RSBN1L: variants seen among roughly 807,000 people sequenced by gnomAD.
The protein encoded by RSBN1L is lysine-specific demethylase RSBN1L.
A neutral mutation model predicts 67.7 loss-of-function variants in RSBN1L; 30 were observed. The ratio of observed to expected loss-of-function variants is 0.44; its 90% CI spans 0.33 to 0.60. The LOEUF (loss-of-function observed/expected upper bound fraction) is 0.60. Ranked by LOEUF, RSBN1L falls within the 20% of genes least tolerant of loss-of-function variation. The pLI is 0.02. For missense variants in RSBN1L, 992 were observed against 1,031.7 expected, an observed-to-expected ratio of 0.96 and a Z score of 0.53; for synonymous variants, 433 against 387.0, an observed-to-expected ratio of 1.12 and a Z score of -1.39.
In RSBN1L at chr7:77,754,066, C is replaced by A. The variant is rs1162188233; in HGVS notation, c.1344+4002C>A. Among the ~76,000 whole-genome samples the A allele has an allele frequency of 2.0e-5, 3 of 152,130 alleles. No individual in the cohort carries two copies. In the East Asian group the frequency reaches 5.8e-4, roughly 29 times the overall value. On this transcript the variant is annotated intron_variant, in intron 3 of 7. Coordinates refer to ENST00000334955, the MANE Select transcript of RSBN1L (RefSeq NM_198467.3). ...ATTGATTGATTGATAGATACAGGGT[C>A]TTGTTCTATCAGCCAGGCTAGAGTG...
intron 1 of RSBN1L, among the ~76,000 whole-genome samples, chr7:77,707,019 T>A (rs1790901274): frequency 6.6e-6 from 1 of 150,460 alleles, no homozygotes; most frequent in Non-Finnish European, 1.5e-5. Context: ...CCCATTAAAC[T>A]AGATTTTTTT....
At chr7:77,743,059 A>ATT (rs35673255) in intron 2 of RSBN1L, among the ~76,000 whole-genome samples, 15 of 150,028 alleles carry the variant, frequency 1.0e-4, no homozygotes, top group Non-Finnish European at 1.5e-4. Context: ...TTCCATGGGA[A>ATT]TTTTTTTTTT....
intron 1 of RSBN1L, among the ~76,000 whole-genome samples, chr7:77,703,450 G>A (rs1357666160): frequency 7.6e-6 from 1 of 131,216 alleles, no homozygotes; most frequent in African/African-American, 2.9e-5. Flanking sequence ...TGGAGTGTGT[G>A]TGTGTCTCTT....
chr7:77,707,645 TAA>T (rs1790913183), intron 1 of RSBN1L, among the ~76,000 whole-genome samples: 1 of 152,152 alleles, frequency 6.6e-6, no homozygotes, highest in African/African-American at 2.4e-5. Context: ...CTTAAAGGAG[TAA>T]ATGTTCACTA....
Position 77,778,655 on chromosome 7 carries a change from G to A in RSBN1L, c.2028G>A (p.Lys676=). ...FIPRNVVHQF[K]TVSAVCSLAW... The stretch of plus-strand genomic sequence containing the variant: ...CAAGGAATGTTGTTCATCAGTTCAA[G>A]ACAGTTTCAGCTGTATGCAGTTTAG... Residue 676 remains lysine, a synonymous_variant, in exon 8 of 8, where the codon AAG becomes AAA. Coordinates refer to ENST00000334955, the MANE Select transcript of RSBN1L (RefSeq NM_198467.3). 6.2e-7 allele frequency: 1 copy of A among 1,614,066 alleles called. No individual in the cohort carries two copies. Among genetic ancestry groups the A allele is most frequent in the Non-Finnish European group, 8.5e-7 (1 of 1,179,996 alleles).
Position 77,770,135 on chromosome 7 carries a change from G to A in RSBN1L, c.1625+1332G>A, listed in dbSNP as rs553163382. Among the ~76,000 whole-genome samples the A allele has an allele frequency of 2.0e-5, 3 of 152,312 alleles. No homozygotes were observed. In the South Asian group the frequency reaches 6.2e-4, roughly 32 times the overall value. On this transcript the variant is annotated intron_variant, in intron 5 of 7. Transcript: ENST00000334955. Reference sequence around the variant, plus strand: ...CGCCTGTAATCCCAGCACTTTGGGAGGCTGAGGCGGGTGGATTACCTGAAG... The same window carrying A: ...CGCCTGTAATCCCAGCACTTTGGGAAGCTGAGGCGGGTGGATTACCTGAAG...
rs1004479254 is a variant in RSBN1L at position 77,781,639 on chromosome 7, A to G, written c.*2471A>G. On this transcript the variant is annotated 3_prime_UTR_variant, in exon 8 of 8. Transcript: ENST00000334955. ...TGGTTGCTTTTAGGTATAGTTTCCT[A>G]TATAACCTATAGTCAGACTTATCTA... is the stretch of plus-strand genomic sequence containing the variant. The G allele has an allele frequency of 2.6e-5, 4 of 152,220 alleles. No individual in the cohort carries two copies. In the East Asian group the frequency reaches 5.8e-4, roughly 22 times the overall value. 9.4% of individuals were successfully genotyped at this position (152,220 alleles called of 1,614,324 possible).
intron 2 of RSBN1L, among the ~76,000 whole-genome samples, chr7:77,742,161 C>CT (rs1229528335): frequency 2.9e-5 from 2 of 69,226 alleles, no homozygotes; most frequent in Non-Finnish European, 4.9e-5. Flanking sequence ...AAGAACCCAT[C>CT]TTTAAAAAAA....
chr7:77,744,388 C>A (rs1791454577), intron 2 of RSBN1L, among the ~76,000 whole-genome samples: 1 of 151,644 alleles, frequency 6.6e-6, no homozygotes, highest in African/African-American at 2.4e-5. Context: ...TACTAATTAA[C>A]CTAAATATGA....
intron 3 of RSBN1L, among the ~76,000 whole-genome samples, chr7:77,757,697 T>C (rs1791637423): frequency 6.6e-6 from 1 of 152,258 alleles, no homozygotes; most frequent in Non-Finnish European, 1.5e-5. Context: ...CAGTTGGGTC[T>C]TGGGACACCT....
At chr7:77,701,192 A>AAC in intron 1 of RSBN1L, among the ~76,000 whole-genome samples, 1 of 150,468 alleles carries the variant, frequency 6.6e-6, no homozygotes. Flanking sequence ...ACAACAACAA[A>AAC]AAAAAACGAC....
chr7:77,745,180 G>A (rs923546682), intron 2 of RSBN1L, among the ~76,000 whole-genome samples: 4 of 151,888 alleles, frequency 2.6e-5, no homozygotes, highest in African/African-American at 9.7e-5. Flanking sequence ...AGAATCACTT[G>A]AACCCGGGAG....
intron 1 of RSBN1L, among the ~76,000 whole-genome samples, chr7:77,725,507 A>G (rs1403183026): frequency 6.6e-6 from 1 of 151,578 alleles, no homozygotes; most frequent in South Asian, 2.1e-4. Flanking sequence ...TCGGCCTCCC[A>G]TAGTGCTGGG....
At chr7:77,771,846 G>C (rs1791854222) in intron 5 of RSBN1L, among the ~76,000 whole-genome samples, 1 of 151,150 alleles carries the variant, frequency 6.6e-6, no homozygotes, top group Non-Finnish European at 1.5e-5. Flanking sequence ...CTTTTTTTTA[G>C]AATGTATGGA....
intron 5 of RSBN1L, among the ~76,000 whole-genome samples, chr7:77,770,547 G>A (rs986403722): frequency 9.2e-5 from 14 of 151,988 alleles, no homozygotes; most frequent in Non-Finnish European, 1.9e-4. Flanking sequence ...AGCCAATGTG[G>A]TGGTACATGC....
chr7:77,730,350 T>A (rs982016445), intron 1 of RSBN1L, among the ~76,000 whole-genome samples: 1 of 152,164 alleles, frequency 6.6e-6, no homozygotes, highest in Admixed American at 6.6e-5. Flanking sequence ...ATTATTAACA[T>A]CCCCTATCAG....
chr7:77,722,862 G>C (rs1791137882), intron 1 of RSBN1L, among the ~76,000 whole-genome samples: 1 of 151,894 alleles, frequency 6.6e-6, no homozygotes, highest in Admixed American at 6.6e-5. Flanking sequence ...CTCATATTCA[G>C]GGCAGGCAAA....
chr7:77,759,690 C>G (rs1394015305), intron 3 of RSBN1L: 1 of 152,100 alleles, frequency 6.6e-6, no homozygotes, highest in Non-Finnish European at 1.5e-5. Context: ...GGTGCTGATA[C>G]AAGCTAAAAA....
intron 1 of RSBN1L, among the ~76,000 whole-genome samples, chr7:77,699,552 A>G (rs149438831): frequency 8.5e-5 from 13 of 152,314 alleles, no homozygotes; most frequent in East Asian, 5.8e-4. Context: ...TTTTAACCCT[A>G]TAACTAATTG....
Sources: gnomAD v4.1 joint callset for allele counts (sites outside exome capture counted in the v4.1 genomes callset) on GRCh38, gnomAD v4.1.1 for gene constraint, MANE v1.5 for transcripts, NCBI Gene and HGNC (gene_info 2026-07-23, HGNC 2026-07-21) for gene names.